FNBP4: variants seen among roughly 807,000 people sequenced by gnomAD.
The protein encoded by FNBP4 is formin-binding protein 4.
A neutral mutation model predicts 119.3 loss-of-function variants in FNBP4; 34 were observed. That is an observed-to-expected ratio of 0.28 (90% CI 0.22 to 0.38). FNBP4 has a LOEUF of 0.38. Among genes scored for constraint, FNBP4 ranks in the 10% least tolerant of loss-of-function variants. The probability of loss-of-function intolerance (pLI) is 1.00; values close to 1 mark genes in which losing one functional copy is unlikely to be tolerated. For synonymous variants in FNBP4, 462 were observed against 430.6 expected, an observed-to-expected ratio of 1.07 and a Z score of -0.90; for missense variants, 1,112 against 1,228.9, an observed-to-expected ratio of 0.90 and a Z score of 1.42.
intron 2 of FNBP4, 113 bp from the exon 3 acceptor site, chr11:47,754,777 T>C (rs2097612915): frequency 1.1e-5 from 13 of 1,134,184 alleles, no homozygotes; most frequent in Admixed American, 2.5e-5. Context: ...GATTAGAACA[T>C]AACCGCAAAA....
rs1424535788 is a variant in FNBP4 at position 47,732,905 on chromosome 11, G to T, written c.1687-235C>A. ...GGCTGAGGCGGGTGGATCACCTGAG[G>T]TCAGGAGTTCAAGACCAGCCTGGCC... On this transcript the variant is annotated intron_variant, in intron 10 of 16. Coordinates refer to ENST00000263773, the MANE Select transcript of FNBP4 (RefSeq NM_015308.5). This position sits in a 1 kb window ranked among gnomAD's most constrained non-coding sequence, Gnocchi z 4.2. Among the ~76,000 whole-genome samples the T allele has an allele frequency of 6.6e-6, 1 of 152,132 alleles. No individual in the cohort carries two copies. The highest frequency in any genetic ancestry group is 1.5e-5 in the Non-Finnish European group (1 of 68,006).
rs902390757 is a variant in FNBP4, at chr11:47,732,264, C to T, written c.1820+273G>A. 3 of 1,249,762 alleles carry T rather than the reference C, an allele frequency of 2.4e-6. No homozygotes were observed. Among genetic ancestry groups the T allele is most frequent in the Non-Finnish European group, 2.0e-6 (2 of 991,176 alleles). The allele number at this position is 1,249,762 out of a possible 1,614,324, so 77.4% of individuals were successfully genotyped here. A position where few individuals can be genotyped will look rare whatever the true frequency, so the allele number is the denominator to read the frequency against. ...CTCGCATGCGCTTAACCCCCAAGCCCGCCCTACTCCGTGCAACACTCTGGA... is the reference window on the plus strand; with the variant it reads ...CTCGCATGCGCTTAACCCCCAAGCCTGCCCTACTCCGTGCAACACTCTGGA... On this transcript the variant is annotated intron_variant, in intron 11 of 16. Coordinates refer to ENST00000263773, the MANE Select transcript of FNBP4 (RefSeq NM_015308.5). This position sits in a 1 kb window ranked among gnomAD's most constrained non-coding sequence, Gnocchi z 4.2.
At chr11:47,733,010 C>T (rs753726576) in intron 10 of FNBP4, among the ~76,000 whole-genome samples, 7 of 152,022 alleles carry the variant, frequency 4.6e-5, no homozygotes, top group Admixed American at 3.3e-4. Flanking sequence ...CCCAGCTACT[C>T]GAGAGGCTGA....
At chr11:47,724,399 A>C in intron 13 of FNBP4, 69 bp downstream of exon 13, 1 of 1,608,626 alleles carries the variant, frequency 6.2e-7, no homozygotes, top group Admixed American at 1.7e-5. Context: ...TATGCTTCTA[A>C]AATAAAACAT....
chr11:47,752,046 C>A (rs2097605059), intron 4 of FNBP4, among the ~76,000 whole-genome samples: 1 of 152,102 alleles, frequency 6.6e-6, no homozygotes, highest in South Asian at 2.1e-4. Flanking sequence ...CAAGGACAAG[C>A]AATTACTTTT....
At chr11:47,762,457 C>A (rs1009934631) in intron 2 of FNBP4, among the ~76,000 whole-genome samples, 1 of 151,934 alleles carries the variant, frequency 6.6e-6, no homozygotes. Context: ...GACACAGGGT[C>A]TCATTCTGTC....
chr11:47,722,738 G>A (rs957751365), intron 15 of FNBP4, among the ~76,000 whole-genome samples: 3 of 151,844 alleles, frequency 2.0e-5, no homozygotes, highest in Non-Finnish European at 2.9e-5. Flanking sequence ...TTACAGGTGC[G>A]TGCCACCAGG....
At chr11:47,749,756 T>C (rs943665032) in intron 6 of FNBP4, among the ~76,000 whole-genome samples, 1 of 152,120 alleles carries the variant, frequency 6.6e-6, no homozygotes, top group Non-Finnish European at 1.5e-5. Flanking sequence ...AGCACTGACA[T>C]GATGATCAAA....
intron 1 of FNBP4, among the ~76,000 whole-genome samples, chr11:47,766,159 C>T (rs1297928716): frequency 6.6e-6 from 1 of 151,784 alleles, no homozygotes; most frequent in African/African-American, 2.4e-5. Context: ...ACTGAAAATA[C>T]AAAAATTAGC....
chr11:47,734,017 A>T lies in FNBP4; in HGVS notation c.1686+8T>A. 7.1e-7 allele frequency: 1 copy of T among 1,412,134 alleles called. No individual in the cohort carries two copies. Among genetic ancestry groups the T allele is most frequent in the Non-Finnish European group, 9.5e-7 (1 of 1,049,432 alleles). The allele number at this position is 1,412,134 out of a possible 1,614,324, so 87.5% of individuals were successfully genotyped here. On this transcript the variant is annotated splice_region_variant and intron_variant, in intron 10 of 16. Coordinates refer to ENST00000263773, the MANE Select transcript of FNBP4 (RefSeq NM_015308.5). The stretch of plus-strand genomic sequence containing the variant: ...GTTTATGCCAAAAAAAAAAAAAAAA[A>T]GACTTACCTCAGTCTGTAAGAGCAG...
intron 10 of FNBP4, among the ~76,000 whole-genome samples, chr11:47,733,737 C>T (rs907893563): frequency 2.0e-5 from 3 of 152,122 alleles, no homozygotes; most frequent in Admixed American, 6.6e-5. Context: ...TAGGACTCAA[C>T]TTTTCTCTTT....
At chr11:47,748,328 G>A (rs2097595005) in intron 6 of FNBP4, among the ~76,000 whole-genome samples, 1 of 151,590 alleles carries the variant, frequency 6.6e-6, no homozygotes, top group Non-Finnish European at 1.5e-5. Context: ...TGTGATTAAA[G>A]TATCTGCTTC....
At chr11:47,730,446 T>C (rs1423431108) in intron 12 of FNBP4, among the ~76,000 whole-genome samples, 6 of 152,176 alleles carry the variant, frequency 3.9e-5, no homozygotes, top group Non-Finnish European at 4.4e-5. Context: ...AATCATCTGG[T>C]ACACAACCAG....
intron 2 of FNBP4, 39 bp downstream of exon 2, chr11:47,765,230 AC>A (rs758397941): frequency 7.4e-7 from 1 of 1,353,494 alleles, no homozygotes; most frequent in Non-Finnish European, 1.0e-6. Context: ...TTAATGAAAG[AC>A]GTGGGAGAAA....
At chr11:47,758,141 T>C (rs1216239719) in intron 2 of FNBP4, among the ~76,000 whole-genome samples, 2 of 152,166 alleles carry the variant, frequency 1.3e-5, no homozygotes, top group Non-Finnish European at 2.9e-5. Flanking sequence ...AGTGAACTGG[T>C]GCGATCACAG....
rs1382010545 is a variant in FNBP4, at chr11:47,724,797, G to C, written c.2009-19C>G. The C allele has an allele frequency of 2.6e-6, 4 of 1,523,386 alleles. No individual in the cohort carries two copies. The highest frequency in any genetic ancestry group is 2.8e-5 in the African/African-American group (2 of 71,714). 94.4% of individuals were successfully genotyped at this position (1,523,386 alleles called of 1,614,324 possible). A position where few individuals can be genotyped will look rare whatever the true frequency, so the allele number is the denominator to read the frequency against. ...AGAGAACCTATGAAAACAGGTAAGA[G>C]TCAGGGAAAAAGCAAGAAAAAAACT... On this transcript the variant is annotated intron_variant, in intron 12 of 16. Transcript: ENST00000263773.
Position 47,724,952 on chromosome 11 carries a change from A to C in FNBP4, c.2009-174T>G, listed in dbSNP as rs906817063. 7 of 955,058 alleles carry C rather than the reference A, an allele frequency of 7.3e-6. No homozygotes were observed. In the East Asian group the frequency reaches 1.7e-4, roughly 23 times the overall value. The allele number at this position is 955,058 out of a possible 1,614,324, so 59.2% of individuals were successfully genotyped here. ...GGGAATGGCTCCTTCCTTGAAAAAA[A>C]TTTGGCCCACAGGCATCTATTCTAT... On this transcript the variant is annotated intron_variant, in intron 12 of 16. Coordinates refer to ENST00000263773, the MANE Select transcript of FNBP4 (RefSeq NM_015308.5).
At chr11:47,723,665 A>C (rs934491311) in intron 14 of FNBP4, among the ~76,000 whole-genome samples, 1 of 152,132 alleles carries the variant, frequency 6.6e-6, no homozygotes, top group African/African-American at 2.4e-5. Context: ...CCAGGGCTCA[A>C]GTGATCCTCC....
chr11:47,737,248 A>G (rs775477232), intron 8 of FNBP4, among the ~76,000 whole-genome samples: 11 of 152,182 alleles, frequency 7.2e-5, no homozygotes, highest in African/African-American at 2.4e-4. Flanking sequence ...AAATACATCT[A>G]TAAGTAAAAT....
Sources: gnomAD v4.1 joint callset for allele counts (sites outside exome capture counted in the v4.1 genomes callset) on GRCh38, gnomAD v4.1.1 for gene constraint, Gnocchi (gnomAD v3.1) non-coding constraint, MANE v1.5 for transcripts, NCBI Gene and HGNC (gene_info 2026-07-23, HGNC 2026-07-21) for gene names.